The following MPHOSPH6 variants were observed in gnomAD, a reference collection of about 807,000 sequenced individuals.
MPHOSPH6 encodes the protein M-phase phosphoprotein 6.
In MPHOSPH6, 25 loss-of-function variants were observed where a neutral mutation model predicts 21.8. The ratio of observed to expected loss-of-function variants is 1.15; its 90% CI spans 0.83 to 1.60. MPHOSPH6 has a LOEUF of 1.60. Among genes scored for constraint, MPHOSPH6 ranks in the 40% most tolerant of loss-of-function variants. MPHOSPH6 has a pLI of 0.00. For missense variants in MPHOSPH6, 269 were observed against 181.8 expected, an observed-to-expected ratio of 1.48 and a Z score of -2.76; for synonymous variants, 84 against 56.5, an observed-to-expected ratio of 1.49 and a Z score of -2.18.
chr16:82,151,297 T>C (rs1906255945), intron 3 of MPHOSPH6, 127 bp downstream of exon 3: 3 of 1,359,992 alleles, frequency 2.2e-6, no homozygotes, highest in Non-Finnish European at 3.0e-6. Flanking sequence ...TGGCGATATT[T>C]CAAGACTTGT....
intron 1 of MPHOSPH6, among the ~76,000 whole-genome samples, chr16:82,166,288 T>C (rs1021493151): frequency 1.3e-5 from 2 of 152,242 alleles, no homozygotes; most frequent in Non-Finnish European, 2.9e-5. Context: ...ATTTTACCTG[T>C]GTGTACATCC....
At chr16:82,162,224 G>A (rs1456398644) in intron 2 of MPHOSPH6, 2 of 152,222 alleles carry the variant, frequency 1.3e-5, no homozygotes, top group Non-Finnish European at 2.9e-5. Flanking sequence ...AAGGTGACAA[G>A]TAAACAACTG....
In MPHOSPH6 at chr16:82,148,994, T is replaced by A. The variant is rs76039364; in HGVS notation, c.351-131A>T. The stretch of plus-strand genomic sequence containing the variant: ...AGAAAACTATCATTAAAAGAAACCA[T>A]CTGATTTAACAATTTATGAACTTCT... On this transcript the variant is annotated intron_variant, in intron 4 of 4. Transcript: ENST00000258169. The A allele has an allele frequency of 5.6e-5, 68 of 1,210,990 alleles. No homozygotes were observed. The African/African-American group carries it at 9.8e-4, about 17-fold the overall frequency. The allele number at this position is 1,210,990 out of a possible 1,614,324, so 75.0% of individuals were successfully genotyped here.
chr16:82,166,510 G>A (rs968949398), intron 1 of MPHOSPH6, among the ~76,000 whole-genome samples: 1 of 152,184 alleles, frequency 6.6e-6, no homozygotes, highest in African/African-American at 2.4e-5. Context: ...TCTCAAGACA[G>A]CCTCATCAAC....
At position 82,151,494 on chromosome 16, in the gene MPHOSPH6, T is replaced by C; in HGVS notation, c.185A>G (p.Gln62Arg). Residue 62 changes from glutamine to arginine, a missense_variant, in exon 3 of 5, where the codon CAG becomes CGG. Coordinates refer to ENST00000258169, the MANE Select transcript of MPHOSPH6 (RefSeq NM_005792.2). ...KEKESFIIEE[Q>R]SFLLCEDLLY... Reference sequence around the variant, plus strand: ...AAGATCTTCACATAGTAAGAAACTCTGCTCTTCTATTATGAAACTCCTAAA... The same window carrying C: ...AAGATCTTCACATAGTAAGAAACTCCGCTCTTCTATTATGAAACTCCTAAA... 1 of 1,597,012 alleles carries C rather than the reference T, an allele frequency of 6.3e-7. No individual in the cohort carries two copies. The highest frequency in any genetic ancestry group is 8.5e-7 in the Non-Finnish European group (1 of 1,173,032).
At chr16:82,168,949 G>A (rs532486845) in intron 1 of MPHOSPH6, among the ~76,000 whole-genome samples, 26 of 152,178 alleles carry the variant, frequency 1.7e-4, no homozygotes, top group African/African-American at 4.3e-4. Context: ...TTCCCGTCCT[G>A]TCTACACTAC....
chr16:82,158,446 C>A (rs112999533), intron 2 of MPHOSPH6, among the ~76,000 whole-genome samples: 1 of 131,150 alleles, frequency 7.6e-6, no homozygotes, highest in Non-Finnish European at 1.5e-5. Flanking sequence ...TTGCAGTGAG[C>A]GGAGATCTCG....
rs1039011576 is a variant in MPHOSPH6, at chr16:82,155,846, G to A, written c.165-4332C>T. Among the ~76,000 whole-genome samples, 10 of 151,820 alleles carry A rather than the reference G, an allele frequency of 6.6e-5. No individual in the cohort carries two copies. The East Asian group carries it at 7.7e-4, about 12-fold the overall frequency. ...CCTGAACCCGGGAGGTGGAGGTTGC[G>A]GTGAGCCAAGATTGCGCCACTGCAC... On this transcript the variant is annotated intron_variant, in intron 2 of 4. Coordinates refer to ENST00000258169, the MANE Select transcript of MPHOSPH6 (RefSeq NM_005792.2).
At chr16:82,160,038 G>A (rs1432310818) in intron 2 of MPHOSPH6, among the ~76,000 whole-genome samples, 1 of 152,168 alleles carries the variant, frequency 6.6e-6, no homozygotes, top group East Asian at 1.9e-4. Flanking sequence ...GGGACCCAGA[G>A]AAAGACAACC....
Position 82,151,480 on chromosome 16 carries a change from A to G in MPHOSPH6, c.199T>C (p.Cys67Arg). 6.2e-7 allele frequency: 1 copy of G among 1,605,044 alleles called. No individual in the cohort carries two copies. The highest frequency in any genetic ancestry group is 8.5e-7 in the Non-Finnish European group (1 of 1,176,386). The change falls in exon 3 of 5, where the codon TGT (cysteine) becomes CGT (arginine). Residue 67 changes from cysteine to arginine, a missense_variant. By Grantham distance (180) the Cys-to-Arg change is radical. Coordinates refer to ENST00000258169, the MANE Select transcript of MPHOSPH6 (RefSeq NM_005792.2). ...FIIEEQSFLL[C>R]EDLLYGRMSF... The stretch of plus-strand genomic sequence containing the variant: ...ATTCTTCCATAGAGAAGATCTTCAC[A>G]TAGTAAGAAACTCTGCTCTTCTATT...
intron 3 of MPHOSPH6, 87 bp downstream of exon 3, chr16:82,151,337 C>T (rs1906257463): frequency 6.5e-7 from 1 of 1,538,678 alleles, no homozygotes; most frequent in Non-Finnish European, 8.8e-7. Flanking sequence ...AGAAATGGTA[C>T]CTGGTGGAGA....
chr16:82,151,484 T>G lies in MPHOSPH6; in HGVS notation c.195A>C (p.Leu65Phe). ...ESFIIEEQSF[L>F]LCEDLLYGRM... ...TTCCATAGAGAAGATCTTCACATAG[T>G]AAGAAACTCTGCTCTTCTATTATGA... Residue 65 changes from leucine to phenylalanine, a missense_variant, in exon 3 of 5, where the codon TTA (leucine) becomes TTC (phenylalanine). Transcript: ENST00000258169. The G allele has an allele frequency of 6.2e-7, 1 of 1,603,212 alleles. No homozygotes were observed. The highest frequency in any genetic ancestry group is 8.5e-7 in the Non-Finnish European group (1 of 1,175,302).
At chr16:82,159,040 C>G (rs1906523792) in intron 2 of MPHOSPH6, among the ~76,000 whole-genome samples, 1 of 152,222 alleles carries the variant, frequency 6.6e-6, no homozygotes, top group African/African-American at 2.4e-5. Context: ...GAAACTACTA[C>G]TGACTGAGTT....
intron 3 of MPHOSPH6, among the ~76,000 whole-genome samples, chr16:82,150,079 C>G (rs984160871): frequency 3.4e-5 from 5 of 146,210 alleles, no homozygotes; most frequent in Non-Finnish European, 3.0e-5. Flanking sequence ...GATGAGAAAT[C>G]AGTCTTAACT....
At chr16:82,160,733 T>A (rs144267600) in intron 2 of MPHOSPH6, among the ~76,000 whole-genome samples, 8 of 152,262 alleles carry the variant, frequency 5.3e-5, no homozygotes, top group African/African-American at 1.7e-4. Context: ...AAAAGAGAAA[T>A]GACGCAAACT....
intron 2 of MPHOSPH6, among the ~76,000 whole-genome samples, chr16:82,156,926 G>C (rs1436196316): frequency 6.6e-6 from 1 of 152,040 alleles, no homozygotes. Context: ...GGTGGTGCAC[G>C]CCTGTAATCC....
At chr16:82,163,607 C>A (rs900085399) in intron 2 of MPHOSPH6, among the ~76,000 whole-genome samples, 2 of 152,192 alleles carry the variant, frequency 1.3e-5, no homozygotes, top group Admixed American at 6.5e-5. Context: ...GTTCCTGGTA[C>A]ACACTATAGA....
intron 2 of MPHOSPH6, among the ~76,000 whole-genome samples, chr16:82,152,205 AT>A (rs916141512): frequency 6.6e-5 from 10 of 152,072 alleles, no homozygotes; most frequent in African/African-American, 1.9e-4. Flanking sequence ...TTATACACAG[AT>A]TTTTTTCAAA....
intron 2 of MPHOSPH6, among the ~76,000 whole-genome samples, chr16:82,154,393 A>G (rs1302674449): frequency 6.6e-6 from 1 of 152,224 alleles, no homozygotes; most frequent in Non-Finnish European, 1.5e-5. Flanking sequence ...CCAGGTAGTC[A>G]GCAATGTAAT....
Sources: gnomAD v4.1 joint callset for allele counts (sites outside exome capture counted in the v4.1 genomes callset) on GRCh38, gnomAD v4.1.1 for gene constraint, MANE v1.5 for transcripts, NCBI Gene and HGNC (gene_info 2026-07-23, HGNC 2026-07-21) for gene names.